The following TRAPPC8 variants were observed in gnomAD, a reference collection of about 807,000 sequenced individuals.
The protein encoded by TRAPPC8 is general sporulation gene 1 homolog.
TRAPPC8 carries 54 observed loss-of-function variants against 174.3 expected under a neutral mutation model. The ratio of observed to expected loss-of-function variants is 0.31; its 90% CI spans 0.25 to 0.39. The LOEUF is 0.39. Ranked by LOEUF, TRAPPC8 falls within the 10% of genes least tolerant of loss-of-function variation. The probability of loss-of-function intolerance (pLI) is 1.00; values close to 1 mark genes in which losing one functional copy is unlikely to be tolerated. For synonymous variants in TRAPPC8, 630 were observed against 579.9 expected, an observed-to-expected ratio of 1.09 and a Z score of -1.24; for missense variants, 1,531 against 1,699.1, an observed-to-expected ratio of 0.90 and a Z score of 1.74.
intron 1 of TRAPPC8, among the ~76,000 whole-genome samples, chr18:31,936,367 T>C (rs565001303): frequency 2.6e-5 from 4 of 151,914 alleles, no homozygotes; most frequent in Admixed American, 2.6e-4. Context: ...AGGAGGCCAA[T>C]GTGGAATGAT....
rs200894867 is a variant in TRAPPC8 at position 31,870,453 on chromosome 18, A to G, written c.2307T>C (p.Leu769=). ...VAFRNPLKVL[L]LLTDLSLLWK... is the part of the protein sequence containing the mutation. ...AAAGCAATGACAAATCAGTCAACAA[A>G]AGTAGAACTTTCAAAGGGTTTCTAA... The change falls in exon 16 of 29, where the codon CTT becomes CTC. Residue 769 remains leucine (L), a synonymous_variant. Transcript: ENST00000283351. The G allele has an allele frequency of 6.2e-7, 1 of 1,613,014 alleles. No homozygotes were observed. The highest frequency in any genetic ancestry group is 2.2e-5 in the East Asian group (1 of 44,740).
At chr18:31,934,019 T>C (rs2037971334) in intron 1 of TRAPPC8, among the ~76,000 whole-genome samples, 1 of 151,790 alleles carries the variant, frequency 6.6e-6, no homozygotes. Flanking sequence ...GAAACCCCCA[T>C]CTCTACTAAA....
At chr18:31,909,856 G>C in intron 5 of TRAPPC8, 96 bp from the exon 6 acceptor site, 1 of 798,240 alleles carries the variant, frequency 1.3e-6, no homozygotes, top group Non-Finnish European at 1.8e-6. Flanking sequence ...TCTGCTAACT[G>C]TTGGCCTCAT....
intron 1 of TRAPPC8, among the ~76,000 whole-genome samples, chr18:31,941,520 G>A (rs890068908): frequency 1.3e-5 from 2 of 152,110 alleles, no homozygotes; most frequent in South Asian, 2.1e-4. Flanking sequence ...AACACTGAAG[G>A]AACTGAGACT....
In TRAPPC8 at chr18:31,873,450, T is replaced by C. The variant is rs2034988263; in HGVS notation, c.2042A>G (p.His681Arg). The change falls in exon 14 of 29, where the codon CAT becomes CGT. Residue 681 changes from histidine to arginine, a missense_variant. By Grantham distance (29) the His-to-Arg change is conservative. Transcript: ENST00000283351. ...CTAACCATCCGCTGGTCGTCTGTCA[T>C]GGCCAAAAAAAACCCGTGTTGCTGA... ...NSSATRVFFG[H>R]DRRPADGEKQ... 3 of 1,613,246 alleles carry C rather than the reference T, an allele frequency of 1.9e-6. No individual in the cohort carries two copies. The highest frequency in any genetic ancestry group is 2.5e-6 in the Non-Finnish European group (3 of 1,179,644).
At chr18:31,836,801 G>A (rs377372273) in intron 27 of TRAPPC8, among the ~76,000 whole-genome samples, 4 of 129,518 alleles carry the variant, frequency 3.1e-5, no homozygotes, top group East Asian at 2.3e-4. Context: ...TCGCTCTGTC[G>A]CCCAGGCTGG....
Position 31,943,104 on chromosome 18 carries a change from C to T in TRAPPC8, c.-340G>A, listed in dbSNP as rs1598779754. Reference sequence around the variant, plus strand: ...CCGGAACCGCCATGTTGAGGCCGAACCCTGACCAACCGGCAGTACTACTCC... The same window carrying T: ...CCGGAACCGCCATGTTGAGGCCGAATCCTGACCAACCGGCAGTACTACTCC... On this transcript the variant is annotated 5_prime_UTR_variant, in exon 1 of 29. Coordinates refer to ENST00000283351, the MANE Select transcript of TRAPPC8 (RefSeq NM_014939.5). 2.5e-6 allele frequency: 1 copy of T among 404,930 alleles called. No individual in the cohort carries two copies. The highest frequency in any genetic ancestry group is 4.3e-6 in the Non-Finnish European group (1 of 230,914). The allele number at this position is 404,930 out of a possible 1,614,324, so 25.1% of individuals were successfully genotyped here.
chr18:31,893,442 CAT>C (rs928900564), intron 11 of TRAPPC8, among the ~76,000 whole-genome samples: 1 of 151,770 alleles, frequency 6.6e-6, no homozygotes, highest in African/African-American at 2.4e-5. Context: ...ACCCTGGTTT[CAT>C]TTTTTATTAT....
At chr18:31,937,342 C>T (rs1007571486) in intron 1 of TRAPPC8, among the ~76,000 whole-genome samples, 2 of 152,160 alleles carry the variant, frequency 1.3e-5, no homozygotes, top group Admixed American at 1.3e-4. Flanking sequence ...ACCGGCTGGG[C>T]AGCATGGCAA....
intron 1 of TRAPPC8, among the ~76,000 whole-genome samples, chr18:31,940,258 C>T (rs563262452): frequency 6.6e-6 from 1 of 152,060 alleles, no homozygotes; most frequent in African/African-American, 2.4e-5. Flanking sequence ...GGGCGGACCA[C>T]GAGGTCAGGA....
intron 27 of TRAPPC8, among the ~76,000 whole-genome samples, chr18:31,837,707 TA>T (rs1379601492): frequency 2.0e-5 from 3 of 149,878 alleles, no homozygotes; most frequent in African/African-American, 7.4e-5. Context: ...CAGAAAAATT[TA>T]AAAAAAGAAA....
intron 15 of TRAPPC8, 48 bp downstream of exon 15, chr18:31,870,878 T>C: frequency 7.1e-7 from 1 of 1,402,558 alleles, no homozygotes; most frequent in East Asian, 2.5e-5. Context: ...TTCATCATGC[T>C]GTAAGTAAAA....
At position 31,839,442 on chromosome 18, in the gene TRAPPC8, C is replaced by A; in HGVS notation, c.3853G>T (p.Glu1285Ter). 1 of 1,596,082 alleles carries A rather than the reference C, an allele frequency of 6.3e-7. No individual in the cohort carries two copies. The highest frequency in any genetic ancestry group is 8.5e-7 in the Non-Finnish European group (1 of 1,173,960). ...TCTGGCCTGAAAAATTTCAATAGTTCCATTTCTGGTGGCTCCTGAGAAAAG... is the reference window on the plus strand; with the variant it reads ...TCTGGCCTGAAAAATTTCAATAGTTACATTTCTGGTGGCTCCTGAGAAAAG... Reference protein sequence around the residue: ...YPQKQEPPEMELLKFFRPENI... With the variant: ...YPQKQEPPEM Residue 1285 changes from glutamate (E) to a stop codon, truncating the protein, a stop_gained, in exon 27 of 29, where the codon GAA becomes TAA. Coordinates refer to ENST00000283351, the MANE Select transcript of TRAPPC8 (RefSeq NM_014939.5). LOFTEE classifies it high-confidence loss of function.
intron 22 of TRAPPC8, 148 bp from the exon 23 acceptor site, chr18:31,852,811 A>C: frequency 1.4e-6 from 1 of 692,626 alleles, no homozygotes; most frequent in Non-Finnish European, 2.4e-6. Flanking sequence ...TTTTTATCTC[A>C]ATGAAATGAC....
At chr18:31,850,466 T>C (rs1394653371) in intron 24 of TRAPPC8, among the ~76,000 whole-genome samples, 2 of 152,242 alleles carry the variant, frequency 1.3e-5, no homozygotes, top group East Asian at 3.8e-4. Context: ...ATAGAATTAT[T>C]AGCATTAACT....
intron 11 of TRAPPC8, among the ~76,000 whole-genome samples, chr18:31,893,907 CA>C (rs1382845885): frequency 2.0e-5 from 3 of 152,280 alleles, no homozygotes; most frequent in South Asian, 2.1e-4. Flanking sequence ...CACTAAACTG[CA>C]AAACCTGGAT....
intron 12 of TRAPPC8, among the ~76,000 whole-genome samples, chr18:31,887,646 CA>C (rs34562657): frequency 2.2e-3 from 219 of 98,310 alleles, no homozygotes; most frequent in East Asian, 4.6e-3. Context: ...AACTCCATCT[CA>C]AAAAAAAAAA....
chr18:31,829,372 T>C lies in TRAPPC8; in HGVS notation c.*1383A>G, dbSNP rs1379315130. 4.6e-5 allele frequency: 7 copies of C among 152,176 alleles called. No individual in the cohort carries two copies. Among genetic ancestry groups the C allele is most frequent in the African/African-American group, 1.7e-4 (7 of 41,430 alleles). The allele number at this position is 152,176 out of a possible 1,614,324, so 9.4% of individuals were successfully genotyped here. On this transcript the variant is annotated 3_prime_UTR_variant, in exon 29 of 29. Coordinates refer to ENST00000283351, the MANE Select transcript of TRAPPC8 (RefSeq NM_014939.5). ...CATTCTTGTCTTTCCTCCTCAGACT[T>C]TTTATAAGCCCATGGCCCTAAACTC...
intron 9 of TRAPPC8, among the ~76,000 whole-genome samples, chr18:31,903,181 C>T (rs776035853): frequency 2.1e-4 from 32 of 151,904 alleles, no homozygotes; most frequent in Non-Finnish European, 2.2e-4. Flanking sequence ...AATTTTCCAC[C>T]CAGAGAGAAG....
Sources: allele counts gnomAD v4.1 joint callset (sites outside exome capture counted in the v4.1 genomes callset), GRCh38; gene constraint gnomAD v4.1.1; transcripts MANE v1.5; gene names NCBI Gene and HGNC (gene_info 2026-07-23, HGNC 2026-07-21).